The following PDIA3 variants were observed in gnomAD, a reference collection of about 807,000 sequenced individuals.
PDIA3 encodes protein disulfide isomerase family A member 3.
PDIA3 carries 16 observed loss-of-function variants against 56.9 expected under a neutral mutation model. That is an observed-to-expected ratio of 0.28 (90% confidence interval 0.19 to 0.43). The LOEUF (loss-of-function observed/expected upper bound fraction) is 0.43, where lower values mean the gene tolerates loss of function less well. PDIA3 is among the 20% of genes least tolerant of loss of function. PDIA3 has a pLI of 1.00. For missense variants in PDIA3, 485 were observed against 621.3 expected (o/e 0.78, Z 2.33); for synonymous variants, 192 against 216.5 (o/e 0.89, Z 0.99).
intron 1 of PDIA3, among the ~76,000 whole-genome samples, chr15:43,749,140 C>T (rs1279306543): frequency 6.6e-6 from 1 of 151,840 alleles, no homozygotes; most frequent in East Asian, 1.9e-4. Context: ...GTTACCCAGG[C>T]TGGAGTGCAG....
intron 1 of PDIA3, among the ~76,000 whole-genome samples, chr15:43,749,187 G>A (rs1185258175): frequency 2.0e-5 from 3 of 151,914 alleles, no homozygotes; most frequent in Non-Finnish European, 4.4e-5. Flanking sequence ...TCCGCCTCCC[G>A]TGTTCAAGTG....
intron 8 of PDIA3, among the ~76,000 whole-genome samples, chr15:43,767,248 A>C (rs2086853094): frequency 6.6e-6 from 1 of 152,148 alleles, no homozygotes; most frequent in African/African-American, 2.4e-5. Flanking sequence ...GCTACTCAGG[A>C]GGCTGAGGCA....
intron 6 of PDIA3, 53 bp from the exon 7 acceptor site, chr15:43,765,834 T>A (rs2086844367): frequency 2.5e-6 from 4 of 1,573,936 alleles, no homozygotes; most frequent in South Asian, 1.2e-5. Flanking sequence ...GGCAACTTTA[T>A]GATATAGCTA....
Position 43,746,795 on chromosome 15 carries a change from G to A in PDIA3, c.167+89G>A, listed in dbSNP as rs1361189918. The A allele has an allele frequency of 2.0e-5, 29 of 1,425,020 alleles. 1 individual carries two copies. Among genetic ancestry groups the A allele is most frequent in the Non-Finnish European group, 2.9e-5 (29 of 1,016,258 alleles). The allele number at this position is 1,425,020 out of a possible 1,614,324, so 88.3% of individuals were successfully genotyped here. A position where few individuals can be genotyped will look rare whatever the true frequency, so the allele number is the denominator to read the frequency against. ...GAACTGTTGGGCCTACGCAGCGCCG[G>A]GGCCCTTCATTCCTGTGGGCCCCTG... On this transcript the variant is annotated intron_variant, in intron 1 of 12. Transcript: ENST00000300289.
chr15:43,769,483 A>C, intron 9 of PDIA3, 35 bp from the exon 10 acceptor site: 1 of 1,601,592 alleles, frequency 6.2e-7, no homozygotes, highest in Admixed American at 1.7e-5. Context: ...TTATTTTTTT[A>C]TGTTACCAAC....
chr15:43,753,138 C>T (rs1002887902), intron 1 of PDIA3, among the ~76,000 whole-genome samples: 5 of 147,604 alleles, frequency 3.4e-5, no homozygotes, highest in African/African-American at 1.0e-4. Context: ...AGTGCAGTGG[C>T]GCGATGTCAG....
intron 1 of PDIA3, chr15:43,751,845 T>G (rs1289742531): frequency 5.6e-6 from 5 of 898,348 alleles, no homozygotes; most frequent in Non-Finnish European, 7.8e-6. Flanking sequence ...CTTGACCTAG[T>G]AACTATTGTA....
At chr15:43,749,288 T>A (rs1160219330) in intron 1 of PDIA3, among the ~76,000 whole-genome samples, 4 of 151,808 alleles carry the variant, frequency 2.6e-5, no homozygotes, top group African/African-American at 7.3e-5. Flanking sequence ...AGACGGGGTT[T>A]CACCATGTTA....
At chr15:43,765,745 C>A in intron 6 of PDIA3, 142 bp from the exon 7 acceptor site, 1 of 919,330 alleles carries the variant, frequency 1.1e-6, no homozygotes, top group Non-Finnish European at 1.7e-6. Context: ...TGTTGTCATC[C>A]TGTAAGGTAT....
rs533571390 is a variant in PDIA3 at position 43,751,251 on chromosome 15, A to T, written c.168-2573A>T. ...TTTTTTTTCCTTCCCTGGACAACTA[A>T]CTGGTTGATCCTGCCTCTCTATTGG... is the stretch of plus-strand genomic sequence containing the variant. On this transcript the variant is annotated intron_variant, in intron 1 of 12. Coordinates refer to ENST00000300289, the MANE Select transcript of PDIA3 (RefSeq NM_005313.5). 6.3e-4 allele frequency among the ~76,000 whole-genome samples: 95 copies of T among 151,896 alleles called. 1 individual carries two copies. Among genetic ancestry groups the T allele is most frequent in the Middle Eastern group, 3.4e-3 (1 of 294 alleles).
At chr15:43,755,429 G>A (rs948247016) in intron 2 of PDIA3, among the ~76,000 whole-genome samples, 1 of 152,190 alleles carries the variant, frequency 6.6e-6, no homozygotes, top group Non-Finnish European at 1.5e-5. Context: ...TGATGAAAAT[G>A]TAACCAAATG....
chr15:43,770,291 C>T lies in PDIA3; in HGVS notation c.1308C>T (p.Ala436=), dbSNP rs1458158613. Residue 436 remains alanine, a synonymous_variant, in exon 11 of 13, where the codon GCC becomes GCT. Transcript: ENST00000300289. ...ATATCGTCATAGCCAAGATGGATGC[C>T]ACAGCCAATGATGTGCCTTCTCCAT... ...DPNIVIAKMD[A]TANDVPSPYE... 3 of 1,614,106 alleles carry T rather than the reference C, an allele frequency of 1.9e-6. No individual in the cohort carries two copies. Among genetic ancestry groups the T allele is most frequent in the Non-Finnish European group, 2.5e-6 (3 of 1,179,970 alleles).
chr15:43,761,977 C>T (rs2086819273), intron 4 of PDIA3, among the ~76,000 whole-genome samples: 1 of 152,106 alleles, frequency 6.6e-6, no homozygotes, highest in South Asian at 2.1e-4. Flanking sequence ...GCTATTTTCA[C>T]AGAAATTAGG....
Position 43,771,625 on chromosome 15 carries a change from G to GAC in PDIA3, c.*407_*408insAC. The GAC allele has an allele frequency of 2.5e-6, 1 of 407,212 alleles. No individual in the cohort carries two copies. Among genetic ancestry groups the GAC allele is most frequent in the Non-Finnish European group, 4.3e-6 (1 of 231,658 alleles). 25.2% of individuals were successfully genotyped at this position (407,212 alleles called of 1,614,324 possible). A position where few individuals can be genotyped will look rare whatever the true frequency, so the allele number is the denominator to read the frequency against. ...TAGAGCTTTCTTCAGTGATGGAAAT[G>GAC]CTCTGTAATCTACACTGTTCAGTAC... On this transcript the variant is annotated 3_prime_UTR_variant, in exon 13 of 13. Coordinates refer to ENST00000300289, the MANE Select transcript of PDIA3 (RefSeq NM_005313.5).
At chr15:43,751,651 G>C in intron 1 of PDIA3, 1 of 1,304,160 alleles carries the variant, frequency 7.7e-7, no homozygotes, top group Non-Finnish European at 1.0e-6. Context: ...TTGTGGATTT[G>C]ATGACCTTAT....
chr15:43,754,437 A>G (rs1357859990), intron 2 of PDIA3, among the ~76,000 whole-genome samples: 2 of 151,850 alleles, frequency 1.3e-5, no homozygotes. Context: ...GAGTAAGGAA[A>G]TTACTGGCAT....
Position 43,771,476 on chromosome 15 carries a change from T to A in PDIA3, c.*258T>A. ...GAAATGTTGTGGGGGTGGGGTTGAG[T>A]TGGGGGTATTTTCTAATTTTTTTTG... On this transcript the variant is annotated 3_prime_UTR_variant, in exon 13 of 13. Transcript: ENST00000300289. 2.2e-6 allele frequency: 1 copy of A among 458,658 alleles called. No homozygotes were observed. The highest frequency in any genetic ancestry group is 3.3e-5 in the East Asian group (1 of 30,712). The allele number at this position is 458,658 out of a possible 1,614,324, so 28.4% of individuals were successfully genotyped here.
At chr15:43,757,523 A>C (rs983392503) in intron 3 of PDIA3, among the ~76,000 whole-genome samples, 10 of 149,222 alleles carry the variant, frequency 6.7e-5, no homozygotes, top group Non-Finnish European at 1.2e-4. Context: ...GCGCCACTGC[A>C]CTCCAACATG....
chr15:43,765,674 G>C (rs912395245), intron 6 of PDIA3, 108 bp downstream of exon 6: 1 of 872,384 alleles, frequency 1.1e-6, no homozygotes, highest in Admixed American at 2.1e-5. Flanking sequence ...TATTTGGGGG[G>C]ATTGTAATAG....
Sources: allele counts gnomAD v4.1 joint callset (sites outside exome capture counted in the v4.1 genomes callset), GRCh38; gene constraint gnomAD v4.1.1; transcripts MANE v1.5; gene names NCBI Gene and HGNC (gene_info 2026-07-23, HGNC 2026-07-21).